IL17RB: variants seen among roughly 807,000 people sequenced by gnomAD.
IL17RB encodes the protein interleukin 17 receptor B, also known as interleukin-17 receptor B.
A neutral mutation model predicts 43.9 loss-of-function variants in IL17RB; 36 were observed. That is an observed-to-expected ratio of 0.82 (90% CI 0.63 to 1.08). The LOEUF is 1.08. Ranked by LOEUF, IL17RB falls within the 50% of genes least tolerant of loss-of-function variation. The pLI, the probability that IL17RB is intolerant of heterozygous loss-of-function variation, is 0.00. For synonymous variants in IL17RB, 225 were observed against 225.4 expected (o/e 1.00, Z 0.02); for missense variants, 613 against 613.6 (o/e 1.00, Z 0.01).
At chr3:53,850,949 C>CTT (rs1699121474) in intron 3 of IL17RB, among the ~76,000 whole-genome samples, 1 of 152,194 alleles carries the variant, frequency 6.6e-6, no homozygotes, top group Non-Finnish European at 1.5e-5. Context: ...TCAAGTGGTA[C>CTT]ACTTATGTGT....
chr3:53,856,481 T>C (rs1418657839), intron 6 of IL17RB, among the ~76,000 whole-genome samples: 3 of 152,242 alleles, frequency 2.0e-5, no homozygotes, highest in African/African-American at 4.8e-5. Flanking sequence ...ATCTTAGACA[T>C]GTTTTCCAAC....
At chr3:53,860,303 C>G in intron 10 of IL17RB, 75 bp downstream of exon 10, 2 of 1,215,788 alleles carry the variant, frequency 1.6e-6, no homozygotes, top group Non-Finnish European at 2.4e-6. Context: ...GAAGATTCCT[C>G]TGGAGGCAAT....
At chr3:53,847,434 C>G (rs1698955243) in intron 1 of IL17RB, among the ~76,000 whole-genome samples, 1 of 151,110 alleles carries the variant, frequency 6.6e-6, no homozygotes, top group South Asian at 2.1e-4. Context: ...TGCTTGGCCT[C>G]TCACCGGCCG....
intron 3 of IL17RB, among the ~76,000 whole-genome samples, chr3:53,850,530 G>A (rs1275993269): frequency 2.0e-5 from 3 of 149,892 alleles, no homozygotes; most frequent in Non-Finnish European, 4.4e-5. Flanking sequence ...AAGACCAGGC[G>A]TGGTGGCGCA....
chr3:53,846,583 C>G lies in IL17RB; in HGVS notation c.-6C>G, dbSNP rs1231030505. The G allele has an allele frequency of 6.3e-7, 1 of 1,577,474 alleles. No individual in the cohort carries two copies. Among genetic ancestry groups the G allele is most frequent in the Admixed American group, 1.7e-5 (1 of 57,188 alleles). On this transcript the variant is annotated 5_prime_UTR_variant, in exon 1 of 11. Coordinates refer to ENST00000288167, the MANE Select transcript of IL17RB (RefSeq NM_018725.4). Reference sequence around the variant, plus strand: ...GGTGGCCTGGATCCCGCGCAGTGGCCCGGCGATGTCGCTCGTGCTGCTAAG... The same window carrying G: ...GGTGGCCTGGATCCCGCGCAGTGGCGCGGCGATGTCGCTCGTGCTGCTAAG...
intron 10 of IL17RB, 97 bp downstream of exon 10, chr3:53,860,325 G>A (rs1004356389): frequency 1.2e-5 from 11 of 906,916 alleles, no homozygotes; most frequent in Non-Finnish European, 1.4e-5. Flanking sequence ...ACATGTTGGC[G>A]TTTCCCAGAG....
chr3:53,848,027 G>A (rs1471235878), intron 1 of IL17RB, among the ~76,000 whole-genome samples: 1 of 152,216 alleles, frequency 6.6e-6, no homozygotes, highest in Non-Finnish European at 1.5e-5. Context: ...TTTAGGTTCA[G>A]TATTTTATTC....
At chr3:53,851,114 TTG>T (rs1320300511) in intron 3 of IL17RB, among the ~76,000 whole-genome samples, 2 of 152,228 alleles carry the variant, frequency 1.3e-5, no homozygotes, top group African/African-American at 4.8e-5. Flanking sequence ...TTCCCCAAGA[TTG>T]TGCTGCAAGG....
intron 2 of IL17RB, among the ~76,000 whole-genome samples, chr3:53,849,288 G>A (rs1344454786): frequency 6.6e-6 from 1 of 152,222 alleles, no homozygotes; most frequent in Non-Finnish European, 1.5e-5. Flanking sequence ...CTCTGTAGGT[G>A]AAAGCCAGGA....
chr3:53,848,144 G>C (rs114024546), intron 1 of IL17RB, among the ~76,000 whole-genome samples: 1 of 152,212 alleles, frequency 6.6e-6, no homozygotes, highest in Non-Finnish European at 1.5e-5. Flanking sequence ...TTATGGTTTC[G>C]TGAATTGCTC....
chr3:53,849,561 G>A, intron 2 of IL17RB, 94 bp from the exon 3 acceptor site: 1 of 1,111,152 alleles, frequency 9.0e-7, no homozygotes, highest in South Asian at 2.5e-5. Context: ...AATTGTGAAT[G>A]GGGGAAGGTT....
At chr3:53,855,813 C>T (rs544100500) in intron 6 of IL17RB, among the ~76,000 whole-genome samples, 11 of 152,308 alleles carry the variant, frequency 7.2e-5, no homozygotes, top group African/African-American at 2.2e-4. Context: ...CCCACAATTA[C>T]GCTCTCAATT....
chr3:53,863,234 C>A (rs1050496202), intron 10 of IL17RB, among the ~76,000 whole-genome samples: 5 of 152,166 alleles, frequency 3.3e-5, no homozygotes, highest in Non-Finnish European at 7.3e-5. Flanking sequence ...GTGGGAAAAT[C>A]AAAGGTTATA....
intron 6 of IL17RB, among the ~76,000 whole-genome samples, chr3:53,856,247 T>A (rs1699329041): frequency 6.6e-6 from 1 of 152,242 alleles, no homozygotes; most frequent in Non-Finnish European, 1.5e-5. Context: ...TTATACATTG[T>A]TGTTCCTGGA....
chr3:53,860,240 A>G lies in IL17RB; in HGVS notation c.946+12A>G. 1 of 1,591,656 alleles carries G rather than the reference A, an allele frequency of 6.3e-7. No individual in the cohort carries two copies. Among genetic ancestry groups the G allele is most frequent in the Non-Finnish European group, 8.6e-7 (1 of 1,166,256 alleles). ...AATGTGGAGGCACGGTAAGGGTTAT[A>G]ATTCTTTAAAGACATCCTAGTAAGG... On this transcript the variant is annotated intron_variant, in intron 10 of 10. Transcript: ENST00000288167.
In IL17RB at chr3:53,864,596, C is replaced by A; in HGVS notation, c.947-150C>A. The A allele has an allele frequency of 1.2e-5, 8 of 656,340 alleles. No homozygotes were observed. The South Asian group carries it at 1.3e-4, about 11-fold the overall frequency. 40.7% of individuals were successfully genotyped at this position (656,340 alleles called of 1,614,324 possible). ...TTTCAGGTGATGTGTTCAAAAGGAA[C>A]ATCAGGATGTTTTTCCTTGCTGTCA... is the stretch of plus-strand genomic sequence containing the variant. On this transcript the variant is annotated intron_variant, in intron 10 of 10. Coordinates refer to ENST00000288167, the MANE Select transcript of IL17RB (RefSeq NM_018725.4).
intron 10 of IL17RB, 154 bp downstream of exon 10, chr3:53,860,382 A>C: frequency 3.8e-6 from 2 of 528,622 alleles, no homozygotes; most frequent in Non-Finnish European, 6.7e-6. Flanking sequence ...ACAGAGACTG[A>C]TACGAGCATG....
In IL17RB at chr3:53,851,849, T is replaced by C. The variant is rs1699160968; in HGVS notation, c.227-150T>C. The stretch of plus-strand genomic sequence containing the variant: ...CTTCCTAAGCCTCACGAACCCCATC[T>C]GTAAACTGGAGACAGTGGTGCCTAC... On this transcript the variant is annotated intron_variant, in intron 3 of 10. Coordinates refer to ENST00000288167, the MANE Select transcript of IL17RB (RefSeq NM_018725.4). 11 of 868,892 alleles carry C rather than the reference T, an allele frequency of 1.3e-5. No individual in the cohort carries two copies. The South Asian group carries it at 1.9e-4, about 15-fold the overall frequency. The allele number at this position is 868,892 out of a possible 1,614,324, so 53.8% of individuals were successfully genotyped here. A position where few individuals can be genotyped will look rare whatever the true frequency, so the allele number is the denominator to read the frequency against.
intron 2 of IL17RB, 31 bp from the exon 3 acceptor site, chr3:53,849,624 A>G (rs766456454): frequency 6.4e-7 from 1 of 1,567,602 alleles, no homozygotes; most frequent in Non-Finnish European, 8.7e-7. Flanking sequence ...GCTGGGAAAG[A>G]CAGTGTCATG....
Sources: allele counts gnomAD v4.1 joint callset (sites outside exome capture counted in the v4.1 genomes callset), GRCh38; gene constraint gnomAD v4.1.1; transcripts MANE v1.5; gene names NCBI Gene and HGNC (gene_info 2026-07-23, HGNC 2026-07-21).